Variants in RASGRF2 observed in about 807,000 individuals in gnomAD.
The protein encoded by RASGRF2 is Ras protein specific guanine nucleotide releasing factor 2.
In RASGRF2, 76 loss-of-function variants were observed where a neutral mutation model predicts 151.0. The observed-to-expected ratio is 0.50, with a 90% confidence interval of 0.42 to 0.61. The LOEUF (loss-of-function observed/expected upper bound fraction) is 0.61. Among genes scored for constraint, RASGRF2 ranks in the 20% least tolerant of loss-of-function variants. The probability of loss-of-function intolerance (pLI) is 0.00; values close to 1 mark genes in which losing one functional copy is unlikely to be tolerated. For synonymous variants in RASGRF2, 504 were observed against 566.5 expected, an observed-to-expected ratio of 0.89 and a Z score of 1.57; for missense variants, 1,148 against 1,564.6, an observed-to-expected ratio of 0.73 and a Z score of 4.49.
At chr5:81,069,322 C>T (rs776517501) in intron 3 of RASGRF2, among the ~76,000 whole-genome samples, 8 of 152,196 alleles carry the variant, frequency 5.3e-5, no homozygotes, top group Non-Finnish European at 1.0e-4. Context: ...CTTCCCAATT[C>T]GACCCTGATA....
At chr5:81,069,255 G>T (rs1434221440) in intron 3 of RASGRF2, among the ~76,000 whole-genome samples, 1 of 152,230 alleles carries the variant, frequency 6.6e-6, no homozygotes, top group Admixed American at 6.5e-5. Flanking sequence ...AGATGTGGCA[G>T]CTTCTCTGAT....
rs1190664761 is a variant in RASGRF2 at position 81,206,970 on chromosome 5, A to G, written c.2967+65A>G. 2.3e-6 allele frequency: 3 copies of G among 1,318,586 alleles called. No individual in the cohort carries two copies. The East Asian group carries it at 6.9e-5, about 30-fold the overall frequency. 81.7% of individuals were successfully genotyped at this position (1,318,586 alleles called of 1,614,324 possible). On this transcript the variant is annotated intron_variant, in intron 20 of 26. Coordinates refer to ENST00000265080, the MANE Select transcript of RASGRF2 (RefSeq NM_006909.3). ...AAACTACCTCTCCAAGGCGAGCAAT[A>G]TGCTTGTAACCGATCAAGGAGTGTT...
At chr5:80,976,883 C>A (rs1023482641) in intron 1 of RASGRF2, among the ~76,000 whole-genome samples, 1 of 152,172 alleles carries the variant, frequency 6.6e-6, no homozygotes, top group African/African-American at 2.4e-5. Flanking sequence ...CTCCCCAGGC[C>A]CAGAGCAGTG....
In RASGRF2 at chr5:81,161,088, T is replaced by C. The variant is rs115918818; in HGVS notation, c.2687-19087T>C. On this transcript the variant is annotated intron_variant, in intron 17 of 26. Coordinates refer to ENST00000265080, the MANE Select transcript of RASGRF2 (RefSeq NM_006909.3). ...ATTAACTTATCTGATGCTGAAGGAA[T>C]TGTCCATACTTTCTGAGGATTATGT... Among the ~76,000 whole-genome samples the C allele has an allele frequency of 2.1e-3, 318 of 152,304 alleles. 2 individuals are homozygous for C. The highest frequency in any genetic ancestry group is 7.3e-3 in the African/African-American group (305 of 41,564).
intron 1 of RASGRF2, among the ~76,000 whole-genome samples, chr5:80,990,217 T>A (rs1236108707): frequency 1.7e-5 from 2 of 118,376 alleles, no homozygotes; most frequent in Admixed American, 1.6e-4. Context: ...GACTGCCAGA[T>A]GTTTTTTTTT....
At chr5:81,052,282 A>G (rs1751036459) in intron 2 of RASGRF2, among the ~76,000 whole-genome samples, 1 of 152,354 alleles carries the variant, frequency 6.6e-6, no homozygotes, top group South Asian at 2.1e-4. Context: ...GTTCCAAGGT[A>G]ATAATTTTAC....
At chr5:81,018,445 A>G (rs1164323328) in intron 1 of RASGRF2, among the ~76,000 whole-genome samples, 1 of 152,076 alleles carries the variant, frequency 6.6e-6, no homozygotes, top group Non-Finnish European at 1.5e-5. Context: ...CGGCTCAGGG[A>G]TGGGATACTT....
chr5:80,981,807 C>T (rs1156417988), intron 1 of RASGRF2, among the ~76,000 whole-genome samples: 1 of 152,140 alleles, frequency 6.6e-6, no homozygotes, highest in Admixed American at 6.5e-5. Context: ...CTCGAGTGAT[C>T]CACCTGCCTC....
chr5:81,112,939 A>G, intron 14 of RASGRF2, 81 bp downstream of exon 14: 1 of 1,549,734 alleles, frequency 6.5e-7, no homozygotes, highest in East Asian at 2.3e-5. Flanking sequence ...TGAGCAGGCC[A>G]GCTCTGCAAA....
At chr5:81,127,350 C>T (rs914973505) in intron 17 of RASGRF2, among the ~76,000 whole-genome samples, 187 bp downstream of exon 17, 2 of 152,088 alleles carry the variant, frequency 1.3e-5, no homozygotes, top group Non-Finnish European at 2.9e-5. Flanking sequence ...ATAGAGACCC[C>T]ATCTCTATAA....
At chr5:81,164,156 C>T (rs57031144) in intron 17 of RASGRF2, among the ~76,000 whole-genome samples, 2,049 of 152,144 alleles carry the variant, frequency 0.013, 56 homozygotes, top group African/African-American at 0.047. Context: ...AAAAATGATG[C>T]TTTCAATGTA....
intron 17 of RASGRF2, among the ~76,000 whole-genome samples, chr5:81,177,044 T>C (rs184800120): frequency 1.0e-3 from 152 of 152,188 alleles, no homozygotes; most frequent in African/African-American, 3.6e-3. Context: ...TGGGGCTTCT[T>C]CTCCTGAACC....
chr5:81,096,924 A>C (rs1419265766), intron 12 of RASGRF2, among the ~76,000 whole-genome samples: 1 of 151,782 alleles, frequency 6.6e-6, no homozygotes, highest in Non-Finnish European at 1.5e-5. Flanking sequence ...GAGGCTAACC[A>C]AAAGTTGTAT....
chr5:80,986,765 C>G (rs2052482), intron 1 of RASGRF2, among the ~76,000 whole-genome samples: 2 of 151,984 alleles, frequency 1.3e-5, no homozygotes, highest in African/African-American at 4.8e-5. Flanking sequence ...TCAGTTGAAC[C>G]GCTAGGTGAC....
chr5:81,177,168 C>T (rs1361980046), intron 17 of RASGRF2, among the ~76,000 whole-genome samples: 1 of 152,142 alleles, frequency 6.6e-6, no homozygotes, highest in South Asian at 2.1e-4. Context: ...GTGTGTTTGA[C>T]CATGGAAAAT....
At chr5:80,973,898 G>A (rs77197647) in intron 1 of RASGRF2, among the ~76,000 whole-genome samples, 3,019 of 152,284 alleles carry the variant, frequency 0.02, 47 homozygotes, top group African/African-American at 0.036. Flanking sequence ...GGTGTGGCTG[G>A]AAACAGCTGA....
intron 17 of RASGRF2, among the ~76,000 whole-genome samples, chr5:81,131,238 A>T (rs1753610254): frequency 6.6e-6 from 1 of 152,176 alleles, no homozygotes; most frequent in South Asian, 2.1e-4. Context: ...CCCGGGGGCA[A>T]GGAAAACTGA....
rs865801587 is a variant in RASGRF2, at chr5:81,221,702, C to T, written c.3621+1924C>T. Among the ~76,000 whole-genome samples the T allele has an allele frequency of 5.3e-5, 8 of 152,012 alleles. 1 individual carries two copies. The East Asian group carries it at 9.7e-4, about 18-fold the overall frequency. ...CCTGTCTCTACAAAAAGTGGCCGGG[C>T]GCCTTGGCTCACAGCTGTAATCCCA... On this transcript the variant is annotated intron_variant, in intron 26 of 26. Coordinates refer to ENST00000265080, the MANE Select transcript of RASGRF2 (RefSeq NM_006909.3).
intron 18 of RASGRF2, 64 bp from the exon 19 acceptor site, chr5:81,201,266 G>A (rs1467786150): frequency 1.9e-6 from 3 of 1,539,916 alleles, no homozygotes; most frequent in Non-Finnish European, 1.7e-6. Context: ...GGAGAATGGT[G>A]TCATGTGTCA....
Sources: allele counts gnomAD v4.1 joint callset (sites outside exome capture counted in the v4.1 genomes callset), GRCh38; gene constraint gnomAD v4.1.1; transcripts MANE v1.5; gene names NCBI Gene and HGNC (gene_info 2026-07-23, HGNC 2026-07-21).